Variants in DOCK1 observed in about 807,000 individuals in gnomAD.
DOCK1 encodes the protein dedicator of cytokinesis 1.
A neutral mutation model predicts 262.7 loss-of-function variants in DOCK1; 138 were observed. The observed-to-expected ratio is 0.53, with a 90% CI of 0.46 to 0.61. DOCK1 has a LOEUF of 0.61. Among genes scored for constraint, DOCK1 ranks in the 20% least tolerant of loss-of-function variants. DOCK1 has a pLI of 0.00. For synonymous variants in DOCK1, 866 were observed against 867.4 expected, an observed-to-expected ratio of 1.00 and a Z score of 0.03; for missense variants, 1,908 against 2,370.7, an observed-to-expected ratio of 0.80 and a Z score of 4.05.
At chr10:127,024,864 C>T in intron 15 of DOCK1, 81 bp downstream of exon 15, 1 of 1,256,592 alleles carries the variant, frequency 8.0e-7, no homozygotes, top group South Asian at 1.6e-5. Flanking sequence ...TCCTAACATC[C>T]TCCTCAGCCC....
intron 6 of DOCK1, among the ~76,000 whole-genome samples, chr10:126,993,432 C>T (rs1351096689): frequency 6.6e-6 from 1 of 152,196 alleles, no homozygotes; most frequent in Non-Finnish European, 1.5e-5. Flanking sequence ...ACCCCACCCA[C>T]ACCAGCACAA....
chr10:127,134,222 C>T (rs1718826730), intron 27 of DOCK1, among the ~76,000 whole-genome samples: 2 of 152,158 alleles, frequency 1.3e-5, no homozygotes. Context: ...TTCTGATATG[C>T]CCATGTGGTT....
At chr10:127,349,873 A>G (rs929546827) in intron 31 of DOCK1, among the ~76,000 whole-genome samples, 49 of 151,552 alleles carry the variant, frequency 3.2e-4, no homozygotes, top group Middle Eastern at 3.4e-3. Context: ...GTGTCTCTCA[A>G]TCTCCCTCTC....
intron 27 of DOCK1, among the ~76,000 whole-genome samples, chr10:127,184,403 C>G (rs2056030331): frequency 2.0e-5 from 3 of 147,900 alleles, no homozygotes. Flanking sequence ...CTGATTTCTT[C>G]CCTTTAGTTC....
chr10:127,030,845 TCA>T (rs144105568), intron 16 of DOCK1, among the ~76,000 whole-genome samples: 2 of 151,526 alleles, frequency 1.3e-5, no homozygotes, highest in African/African-American at 4.8e-5. Flanking sequence ...TGTCTCTCTG[TCA>T]CACACACACA....
intron 43 of DOCK1, among the ~76,000 whole-genome samples, chr10:127,413,455 G>A (rs149286852): frequency 7.9e-5 from 12 of 152,298 alleles, no homozygotes; most frequent in African/African-American, 2.9e-4. Context: ...AGCCAGCCTC[G>A]GCCCCTCCAG....
At chr10:127,104,524 T>C (rs1564806096) in intron 23 of DOCK1, among the ~76,000 whole-genome samples, 1 of 152,242 alleles carries the variant, frequency 6.6e-6, no homozygotes, top group Non-Finnish European at 1.5e-5. Context: ...CGTCTGTATA[T>C]GTTCAGGGGA....
chr10:127,119,783 T>C (rs2133001504), intron 25 of DOCK1, among the ~76,000 whole-genome samples: 1 of 152,354 alleles, frequency 6.6e-6, no homozygotes, highest in East Asian at 1.9e-4. Flanking sequence ...TAAAAATGAA[T>C]GTTTTCAATG....
rs577480976 is a variant in DOCK1 at position 127,169,984 on chromosome 10, T to C, written c.2847+42220T>C. ...CGGCACCCTCACAGAGCCCCTGAAC[T>C]CAGGGGGTTCCTTTAGCTTCTTTTT... On this transcript the variant is annotated intron_variant, in intron 27 of 51. Transcript: ENST00000623213. Among the ~76,000 whole-genome samples the C allele has an allele frequency of 3.6e-4, 55 of 152,170 alleles. 1 individual carries two copies. In the South Asian group the frequency reaches 0.011, roughly 31 times the overall value.
chr10:127,018,484 C>T, intron 12 of DOCK1: 4 of 586,060 alleles, frequency 6.8e-6, no homozygotes, highest in East Asian at 3.0e-5. Flanking sequence ...GTTCAGCTGT[C>T]TGTGAGTCAC....
At chr10:126,998,823 A>G (rs2040391769) in intron 8 of DOCK1, 1 of 157,532 alleles carries the variant, frequency 6.3e-6, no homozygotes, top group Non-Finnish European at 1.4e-5. Flanking sequence ...TGGTTCAACT[A>G]TGTATGAATT....
At chr10:127,161,646 T>C (rs1462973478) in intron 27 of DOCK1, among the ~76,000 whole-genome samples, 1 of 152,176 alleles carries the variant, frequency 6.6e-6, no homozygotes, top group East Asian at 1.9e-4. Flanking sequence ...GCTGCCCGGC[T>C]GCCACCTTTT....
chr10:127,120,459 C>T (rs1019504863), intron 25 of DOCK1, among the ~76,000 whole-genome samples: 6 of 152,284 alleles, frequency 3.9e-5, no homozygotes, highest in African/African-American at 1.4e-4. Context: ...TGTATTTTGT[C>T]TAAAACATCA....
At chr10:127,195,061 C>G (rs1035050619) in intron 27 of DOCK1, among the ~76,000 whole-genome samples, 9 of 152,326 alleles carry the variant, frequency 5.9e-5, no homozygotes, top group African/African-American at 1.9e-4. Context: ...TCTCCTCCCC[C>G]ACTCCTGGCA....
At chr10:127,302,185 G>T (rs1281529480) in intron 29 of DOCK1, among the ~76,000 whole-genome samples, 1 of 151,996 alleles carries the variant, frequency 6.6e-6, no homozygotes, top group Non-Finnish European at 1.5e-5. Flanking sequence ...AGTCAGGTTT[G>T]GCCTGGCTTG....
intron 3 of DOCK1, among the ~76,000 whole-genome samples, chr10:126,980,871 C>T (rs536977689): frequency 1.1e-4 from 17 of 152,168 alleles, no homozygotes; most frequent in East Asian, 5.8e-4. Flanking sequence ...ACCCCAACCC[C>T]GTTGCCTCTT....
chr10:127,018,914 A>G (rs1487412377), intron 13 of DOCK1, 79 bp downstream of exon 13: 2 of 1,571,826 alleles, frequency 1.3e-6, no homozygotes, highest in East Asian at 2.3e-5. Flanking sequence ...GGGCAGCATC[A>G]TGTATGAGCT....
rs2045542367 is a variant in DOCK1 at position 127,061,751 on chromosome 10, T to C, written c.2420T>C (p.Met807Thr). The change falls in exon 23 of 52, where the codon ATG becomes ACG. Residue 807 changes from methionine to threonine, a missense_variant. By Grantham distance (81) the Met-to-Thr change is moderately conservative (BLOSUM62 -1). Coordinates refer to ENST00000623213, the MANE Select transcript of DOCK1 (RefSeq NM_001290223.2). ...TCCATCAATGACATGATGAGCAGCA[T>C]GTCAGACCAGACCGTCCGGGTGAAG... ...FRSINDMMSS[M>T]SDQTVRVKGA... The C allele has an allele frequency of 2.5e-6, 4 of 1,592,656 alleles. No individual in the cohort carries two copies. The highest frequency in any genetic ancestry group is 3.4e-6 in the Non-Finnish European group (4 of 1,169,382).
intron 29 of DOCK1, among the ~76,000 whole-genome samples, chr10:127,333,923 C>T (rs1296273301): frequency 6.6e-6 from 1 of 152,106 alleles, no homozygotes; most frequent in East Asian, 1.9e-4. Flanking sequence ...AAAACAAAAC[C>T]TGTAGGTTCA....
Sources: gnomAD v4.1 joint callset for allele counts (sites outside exome capture counted in the v4.1 genomes callset) on GRCh38, gnomAD v4.1.1 for gene constraint, MANE v1.5 for transcripts, NCBI Gene and HGNC (gene_info 2026-07-23, HGNC 2026-07-21) for gene names.